The following UGT2B4 variants were observed in gnomAD, a reference collection of about 807,000 sequenced individuals.
The protein encoded by UGT2B4 is UDP-glucuronosyltransferase 2B4.
Under a neutral mutation model 49.8 loss-of-function variants are expected in UGT2B4, and 49 were observed. The observed-to-expected ratio is 0.98, with a 90% confidence interval of 0.78 to 1.25. UGT2B4 has a LOEUF of 1.25. UGT2B4 is among the 50% of genes most tolerant of loss of function. The pLI is 0.00. For missense variants in UGT2B4, 729 were observed against 627.7 expected (o/e 1.16, Z -1.73); for synonymous variants, 246 against 217.7 (o/e 1.13, Z -1.14).
rs747594416 is a variant in UGT2B4, at chr4:69,510,986, TCTTC to T, written c.-106+14697_-106+14700del. ...TTCATAAATACTCTTTCTTTTCTTT[TCTTC>T]TTTTTTTTTTTTTTTTTGAGACAGT... On this transcript the variant is annotated intron_variant, in intron 1 of 1. Coordinates refer to the UGT2B4 transcript ENST00000510114. 3.8e-3 allele frequency among the ~76,000 whole-genome samples: 465 copies of T among 121,590 alleles called. 12 individuals carry two copies. The highest frequency in any genetic ancestry group is 0.018 in the Middle Eastern group (4 of 222). 79.8% of individuals were successfully genotyped at this position (121,590 alleles called of 152,430 possible).
chr4:69,503,738 A>G (rs77070370), intron 1 of UGT2B4, among the ~76,000 whole-genome samples: 4,628 of 152,294 alleles, frequency 0.03, 115 homozygotes, highest in Middle Eastern at 0.071. Context: ...AACAGCACAC[A>G]GTCTCCAGCA....
At position 69,495,233 on chromosome 4, in the gene UGT2B4, C is replaced by G. The variant is rs1560436109; in HGVS notation, c.629G>C (p.Arg210Thr). 6.8e-6 allele frequency: 11 copies of G among 1,608,580 alleles called. No homozygotes were observed. Among genetic ancestry groups the G allele is most frequent in the Non-Finnish European group, 9.3e-6 (11 of 1,178,554 alleles). Reference protein sequence around the residue: ...ELSDQMTFIERVKNMIYVLYF... With the variant: ...ELSDQMTFIETVKNMIYVLYF... ...AAGCACATAGATCATATTTTTTACCCTCTCTATGAAAGTCATTTGGTCACT... is the reference window on the plus strand; with the variant it reads ...AAGCACATAGATCATATTTTTTACCGTCTCTATGAAAGTCATTTGGTCACT... The change falls in exon 1 of 6, where the codon AGG becomes ACG. Residue 210 changes from arginine to threonine, a missense_variant. Coordinates refer to ENST00000305107, the MANE Select transcript of UGT2B4 (RefSeq NM_021139.3).
At chr4:69,499,697 T>A (rs1175502605), upstream of UGT2B4, among the ~76,000 whole-genome samples, 1 of 152,226 alleles carries the variant, frequency 6.6e-6, no homozygotes. Flanking sequence ...TGCTTCTTTC[T>A]GCTTTCTATT....
chr4:69,521,356 C>T (rs565607181), intron 1 of UGT2B4, among the ~76,000 whole-genome samples: 24 of 152,284 alleles, frequency 1.6e-4, no homozygotes, highest in Admixed American at 1.2e-3. Flanking sequence ...GACGTGACAA[C>T]CTCTTTGGGG....
At chr4:69,511,924 C>T (rs62306991) in intron 1 of UGT2B4, among the ~76,000 whole-genome samples, 53,346 of 151,728 alleles carry the variant, frequency 0.35, 9,466 homozygotes, top group Non-Finnish European at 0.37. Context: ...ATTTCTTCTA[C>T]GTTGTCCAGT....
intron 1 of UGT2B4, among the ~76,000 whole-genome samples, chr4:69,501,719 C>A (rs898965673): frequency 3.6e-4 from 55 of 151,928 alleles, no homozygotes; most frequent in African/African-American, 1.3e-3. Flanking sequence ...GGGGAAGGGG[C>A]AGGCTGTCAT....
At chr4:69,525,984 CCA>C in exon 1 of UGT2B4, 1 of 184,352 alleles carries the variant, frequency 5.4e-6, no homozygotes, top group South Asian at 9.0e-5. Flanking sequence ...GCCTGTAGTC[CCA>C]GCTACTCCGG....
chr4:69,510,439 G>T (rs1214508182), intron 1 of UGT2B4, among the ~76,000 whole-genome samples: 1 of 152,018 alleles, frequency 6.6e-6, no homozygotes, highest in Non-Finnish European at 1.5e-5. Flanking sequence ...TTGAATTAGT[G>T]AATTGCTTTA....
chr4:69,482,014 A>G (rs1727608188), intron 5 of UGT2B4, among the ~76,000 whole-genome samples: 1 of 152,186 alleles, frequency 6.6e-6, no homozygotes, highest in African/African-American at 2.4e-5. Flanking sequence ...CTGCATTATC[A>G]GACACTGGCA....
chr4:69,482,611 T>C (rs1274471623), intron 5 of UGT2B4, among the ~76,000 whole-genome samples: 1 of 152,058 alleles, frequency 6.6e-6, no homozygotes, highest in Non-Finnish European at 1.5e-5. Context: ...TACTCCTTTT[T>C]TTTTCCTTTT....
intron 1 of UGT2B4, among the ~76,000 whole-genome samples, chr4:69,504,733 T>A (rs529314316): frequency 5.1e-4 from 78 of 152,132 alleles, no homozygotes; most frequent in African/African-American, 1.8e-3. Flanking sequence ...AACATTCAAA[T>A]TCAGAAAATG....
At chr4:69,505,292 A>G (rs1278607578) in intron 1 of UGT2B4, among the ~76,000 whole-genome samples, 1 of 152,166 alleles carries the variant, frequency 6.6e-6, no homozygotes, top group Non-Finnish European at 1.5e-5. Flanking sequence ...CTGGTTAAAG[A>G]ACCAAGACCC....
upstream of UGT2B4, among the ~76,000 whole-genome samples, chr4:69,497,820 C>A (rs890756929): frequency 6.6e-6 from 1 of 152,198 alleles, no homozygotes; most frequent in East Asian, 1.9e-4. Context: ...AGAAGTACCA[C>A]TATGGGAAAA....
At chr4:69,495,921 G>A, upstream of UGT2B4, 1 of 1,532,498 alleles carries the variant, frequency 6.5e-7, no homozygotes, top group South Asian at 1.3e-5. Flanking sequence ...TTCTCATGGT[G>A]ACATCCAGTA....
chr4:69,491,189 C>CA (rs71205983), intron 2 of UGT2B4, among the ~76,000 whole-genome samples: 28,531 of 151,810 alleles, frequency 0.19, 3,048 homozygotes, highest in Non-Finnish European at 0.25. Flanking sequence ...TTTCCTCCTA[C>CA]AAAAAACGTG....
intron 2 of UGT2B4, among the ~76,000 whole-genome samples, 159 bp downstream of exon 2, chr4:69,493,534 A>T (rs754402781): frequency 6.6e-6 from 1 of 152,160 alleles, no homozygotes; most frequent in South Asian, 2.1e-4. Context: ...AAATTCATAA[A>T]CTTGTGATAG....
intron 1 of UGT2B4, among the ~76,000 whole-genome samples, chr4:69,501,033 G>T (rs115006918): frequency 6.6e-6 from 1 of 152,070 alleles, no homozygotes; most frequent in Non-Finnish European, 1.5e-5. Context: ...GAATTCAGGC[G>T]GCCACCTGCA....
chr4:69,505,661 G>C (rs1315879706), intron 1 of UGT2B4, among the ~76,000 whole-genome samples: 2 of 152,014 alleles, frequency 1.3e-5, no homozygotes, highest in Non-Finnish European at 2.9e-5. Context: ...ATATCATCAA[G>C]GCAGAAAACT....
intron 1 of UGT2B4, among the ~76,000 whole-genome samples, chr4:69,506,993 A>G (rs952862549): frequency 1.3e-5 from 2 of 152,198 alleles, no homozygotes; most frequent in African/African-American, 4.8e-5. Flanking sequence ...ATCTCAATAG[A>G]TGCAGAAGAG....
Sources: gnomAD v4.1 joint callset for allele counts (sites outside exome capture counted in the v4.1 genomes callset) on GRCh38, gnomAD v4.1.1 for gene constraint, MANE v1.5 for transcripts, NCBI Gene and HGNC (gene_info 2026-07-23, HGNC 2026-07-21) for gene names.